MTM1: variants seen among roughly 807,000 people sequenced by gnomAD.
MTM1 encodes the protein myotubularin.
A neutral mutation model predicts 52.1 loss-of-function variants in MTM1; 9 were observed. That is an observed-to-expected ratio of 0.17 (90% CI 0.10 to 0.30). MTM1 has a LOEUF of 0.30. Among genes scored for constraint, MTM1 ranks in the 10% least tolerant of loss-of-function variants. The pLI, the probability that MTM1 is intolerant of heterozygous loss-of-function variation, is 1.00. For synonymous variants in MTM1, 136 were observed against 163.8 expected, an observed-to-expected ratio of 0.83 and a Z score of 1.29; for missense variants, 277 against 470.7, an observed-to-expected ratio of 0.59 and a Z score of 3.81.
rs782609742 is a variant in MTM1 at position 150,667,906 on chromosome X, C to G, written c.1645-3522C>G. Among the ~76,000 whole-genome samples, 24 of 112,338 alleles carry G rather than the reference C, an allele frequency of 2.1e-4. No individual in the cohort carries two copies. The South Asian group carries it at 8.0e-3, about 38-fold the overall frequency. Reference sequence around the variant, plus strand: ...GGTGTGTCCCCCAAAGGACAGCGACCCACAGCCTGTGAATGTGACCATATT... The same window carrying G: ...GGTGTGTCCCCCAAAGGACAGCGACGCACAGCCTGTGAATGTGACCATATT... On this transcript the variant is annotated intron_variant, in intron 14 of 14. Coordinates refer to ENST00000370396, the MANE Select transcript of MTM1 (RefSeq NM_000252.3).
intron 4 of MTM1, among the ~76,000 whole-genome samples, chrX:150,605,348 A>G (rs187489586): frequency 6.2e-5 from 7 of 112,585 alleles, no homozygotes; most frequent in Admixed American, 1.9e-4. Context: ...CTCTAGGTTC[A>G]GGACTGCTGG....
intron 1 of MTM1, among the ~76,000 whole-genome samples, chrX:150,592,166 A>C (rs2038896214): frequency 8.9e-6 from 1 of 112,527 alleles, no homozygotes; most frequent in Non-Finnish European, 1.9e-5. Flanking sequence ...TTAATAGAGA[A>C]AATAGTGTGA....
intron 6 of MTM1, among the ~76,000 whole-genome samples, chrX:150,625,850 A>C (rs1400257345): frequency 8.9e-6 from 1 of 112,763 alleles, no homozygotes; most frequent in African/African-American, 3.2e-5. Flanking sequence ...GAAAAGACAC[A>C]GGTGAGGTAA....
At chrX:150,619,255 T>A (rs1162326726) in intron 6 of MTM1, 116 bp downstream of exon 6, 1 of 577,041 alleles carries the variant, frequency 1.7e-6, no homozygotes, top group African/African-American at 2.2e-5. Flanking sequence ...CCCAGTGTGA[T>A]GTGTCTGCAG....
In MTM1 at chrX:150,668,880, G is replaced by A. The variant is rs201923828; in HGVS notation, c.1645-2548G>A. Among the ~76,000 whole-genome samples, 4 of 110,988 alleles carry A rather than the reference G, an allele frequency of 3.6e-5. No homozygotes were observed. The East Asian group carries it at 8.4e-4, about 23-fold the overall frequency. On this transcript the variant is annotated intron_variant, in intron 14 of 14. Coordinates refer to ENST00000370396, the MANE Select transcript of MTM1 (RefSeq NM_000252.3). The stretch of plus-strand genomic sequence containing the variant: ...ACATGTGGAAGGCACTTCTGTAGAC[G>A]TTTGGCTTTTTTCTTTTTTTTTCTT...
intron 4 of MTM1, among the ~76,000 whole-genome samples, chrX:150,613,983 T>C (rs782180337): frequency 8.9e-6 from 1 of 112,009 alleles, no homozygotes; most frequent in South Asian, 3.7e-4. Flanking sequence ...GGAATACATA[T>C]GTGTAAATTC....
the MTM1 span, among the ~76,000 whole-genome samples, chrX:150,562,800 A>C: frequency 8.9e-6 from 1 of 111,785 alleles, no homozygotes; most frequent in Non-Finnish European, 1.9e-5. Flanking sequence ...CTCTGTGAGA[A>C]AGTGGAAGCA....
chrX:150,569,972 G>A (rs1428495359), intron 1 of MTM1, among the ~76,000 whole-genome samples: 1 of 112,141 alleles, frequency 8.9e-6, no homozygotes, highest in Non-Finnish European at 1.9e-5. Context: ...TGAACCAGTG[G>A]TGCTGCCTGC....
Position 150,638,787 on chromosome X carries a change from G to GT in MTM1, c.445-147dup, listed in dbSNP as rs1379829078. Among the ~76,000 whole-genome samples the GT allele has an allele frequency of 3.9e-4, 43 of 109,408 alleles. No individual in the cohort carries two copies. The East Asian group carries it at 5.2e-3, about 13-fold the overall frequency. ...GTAAGTCTGATCTGAGTTTTCCACT[G>GT]TTTTTTTTTGTTGTTGTTGTTATAA... On this transcript the variant is annotated intron_variant, in intron 6 of 14. Coordinates refer to ENST00000370396, the MANE Select transcript of MTM1 (RefSeq NM_000252.3).
intron 10 of MTM1, among the ~76,000 whole-genome samples, chrX:150,654,346 T>C (rs189266580): frequency 1.8e-5 from 2 of 110,921 alleles, no homozygotes; most frequent in East Asian, 2.8e-4. Flanking sequence ...CTTCATTAAA[T>C]TGGACTCAAG....
intron 4 of MTM1, among the ~76,000 whole-genome samples, chrX:150,613,160 A>G (rs1301546057): frequency 3.6e-5 from 4 of 109,968 alleles, no homozygotes; most frequent in Admixed American, 1.9e-4. Context: ...AAGGGGGGAA[A>G]GAAAAGAAAA....
At chrX:150,599,902 C>T (rs1603129005) in intron 4 of MTM1, among the ~76,000 whole-genome samples, 3 of 112,392 alleles carry the variant, frequency 2.7e-5, no homozygotes, top group South Asian at 3.7e-4. Context: ...CATGTTCACC[C>T]TTGGCAACAA....
At position 150,576,205 on chromosome X, in the gene MTM1, T is replaced by C. The variant is rs782629860; in HGVS notation, c.-11+7543T>C. ...TTGGTCTAGTTTAGTATCATGCTTA[T>C]GCTAGCCTTATAAAGTGAGTTGAGA... is the stretch of plus-strand genomic sequence containing the variant. On this transcript the variant is annotated intron_variant, in intron 1 of 14. Coordinates refer to ENST00000370396, the MANE Select transcript of MTM1 (RefSeq NM_000252.3). Among the ~76,000 whole-genome samples, 6 of 111,955 alleles carry C rather than the reference T, an allele frequency of 5.4e-5. No individual in the cohort carries two copies. The East Asian group carries it at 1.7e-3, about 31-fold the overall frequency.
intron 13 of MTM1, 49 bp downstream of exon 13, chrX:150,660,533 A>G (rs1186726390): frequency 2.7e-6 from 2 of 751,109 alleles, no homozygotes; most frequent in South Asian, 2.1e-5. Flanking sequence ...GCCAAAATGT[A>G]TGTAGTCTAC....
intron 8 of MTM1, among the ~76,000 whole-genome samples, chrX:150,644,153 AAAT>A (rs2039892210): frequency 9.0e-6 from 1 of 111,625 alleles, no homozygotes; most frequent in African/African-American, 3.2e-5. Context: ...AAATAATAAA[AAAT>A]ATTAAAAAAT....
intron 1 of MTM1, among the ~76,000 whole-genome samples, chrX:150,590,197 A>G (rs1557412421): frequency 8.9e-6 from 1 of 111,977 alleles, no homozygotes; most frequent in East Asian, 2.8e-4. Context: ...CCATTCAACA[A>G]AGAGAGGCTC....
chrX:150,626,565 C>G (rs1349961117), intron 6 of MTM1, among the ~76,000 whole-genome samples: 3 of 111,533 alleles, frequency 2.7e-5, no homozygotes, highest in Non-Finnish European at 5.6e-5. Flanking sequence ...GCCTCAGCCT[C>G]CCAAAGTGCT....
At chrX:150,659,577 T>C in intron 11 of MTM1, 87 bp from the exon 12 acceptor site, 4 of 775,907 alleles carry the variant, frequency 5.2e-6, no homozygotes, top group Non-Finnish European at 7.9e-6. Context: ...GGCACATTGC[T>C]GAATTGTATT....
chrX:150,609,106 C>T (rs1269690661), intron 4 of MTM1, among the ~76,000 whole-genome samples: 2 of 111,458 alleles, frequency 1.8e-5, no homozygotes, highest in South Asian at 3.8e-4. Flanking sequence ...GTATTACAGG[C>T]GTGAGCCACC....
Sources: gnomAD v4.1 joint callset for allele counts (sites outside exome capture counted in the v4.1 genomes callset) on GRCh38, gnomAD v4.1.1 for gene constraint, MANE v1.5 for transcripts, NCBI Gene and HGNC (gene_info 2026-07-23, HGNC 2026-07-21) for gene names.